Variants in CDX4 observed in about 807,000 individuals in gnomAD.
The protein encoded by CDX4 is caudal type homeobox 4.
CDX4 carries 11 observed loss-of-function variants against 14.1 expected under a neutral mutation model. The observed-to-expected ratio is 0.78, with a 90% CI of 0.49 to 1.29. The LOEUF is 1.29. Ranked by LOEUF, CDX4 falls within the 50% of genes most tolerant of loss-of-function variation. The pLI is 0.00. For missense variants in CDX4, 257 were observed against 237.4 expected (o/e 1.08, Z -0.54); for synonymous variants, 100 against 93.5 (o/e 1.07, Z -0.40).
At chrX:73,453,141 C>T (rs749541200) in intron 1 of CDX4, among the ~76,000 whole-genome samples, 1 of 111,801 alleles carries the variant, frequency 8.9e-6, no homozygotes, top group South Asian at 3.7e-4. Context: ...AGGTAATAAA[C>T]ACCATGGGTT....
chrX:73,450,660 G>A (rs17217528), intron 1 of CDX4, among the ~76,000 whole-genome samples: 3,718 of 111,709 alleles, frequency 0.033, 61 homozygotes, highest in Non-Finnish European at 0.05. Context: ...ATTGTCCCTT[G>A]GTTTTGCTCA....
Position 73,447,146 on chromosome X carries a change from G to T in CDX4, c.-108G>T. ...GCCTGAGGGGTGCAAAAGAGCTTGC[G>T]GCACAACTACGTACTGATAAGTTTA... On this transcript the variant is annotated 5_prime_UTR_variant, in exon 1 of 3. Transcript: ENST00000373514. 1.1e-6 allele frequency: 1 copy of T among 922,891 alleles called. No individual in the cohort carries two copies. Among genetic ancestry groups the T allele is most frequent in the Non-Finnish European group, 1.5e-6 (1 of 666,788 alleles). The allele number at this position is 922,891 out of a possible 1,213,427, so 76.1% of individuals were successfully genotyped here.
intron 1 of CDX4, among the ~76,000 whole-genome samples, chrX:73,450,843 T>C (rs1261109236): frequency 8.9e-6 from 1 of 111,736 alleles, no homozygotes; most frequent in Non-Finnish European, 1.9e-5. Flanking sequence ...ATCACCTCTA[T>C]GTTTGGAGAG....
chrX:73,452,006 G>T (rs779258491), intron 1 of CDX4, among the ~76,000 whole-genome samples: 3 of 110,977 alleles, frequency 2.7e-5, no homozygotes, highest in South Asian at 3.8e-4. Context: ...TGACTGGACC[G>T]CATAGTTTTC....
chrX:73,450,086 T>A (rs900726331), intron 1 of CDX4, among the ~76,000 whole-genome samples: 18 of 112,378 alleles, frequency 1.6e-4, no homozygotes, highest in Admixed American at 3.8e-4. Context: ...TGAACTTCAA[T>A]ATGGAAGTAA....
intron 1 of CDX4, 114 bp from the exon 2 acceptor site, chrX:73,453,403 T>G: frequency 1.8e-6 from 1 of 555,672 alleles, no homozygotes. Context: ...AAAATATACT[T>G]ATTTTATATT....
chrX:73,449,468 G>A (rs1380187423), intron 1 of CDX4, among the ~76,000 whole-genome samples: 1 of 111,551 alleles, frequency 9.0e-6, no homozygotes, highest in African/African-American at 3.3e-5. Context: ...TGCCAGGAAA[G>A]GTTTCGAAAC....
chrX:73,447,758 G>A lies in CDX4; in HGVS notation c.502+3G>A. 8.6e-7 allele frequency: 1 copy of A among 1,161,566 alleles called. No individual in the cohort carries two copies. The highest frequency in any genetic ancestry group is 1.1e-6 in the Non-Finnish European group (1 of 874,860). ...GCGCAAGACGGTGCAGGTGACGGGTGAGTAATCAATTCCAATGCCCACACA... is the reference window on the plus strand; with the variant it reads ...GCGCAAGACGGTGCAGGTGACGGGTAAGTAATCAATTCCAATGCCCACACA... On this transcript the variant is annotated splice_donor_region_variant and intron_variant, in intron 1 of 2. Coordinates refer to ENST00000373514, the MANE Select transcript of CDX4 (RefSeq NM_005193.2).
chrX:73,447,798 C>T, intron 1 of CDX4, 43 bp downstream of exon 1: 1 of 1,138,485 alleles, frequency 8.8e-7, no homozygotes, highest in South Asian at 2.0e-5. Context: ...TCCTTCCTTC[C>T]CTTCTCCGCT....
In CDX4 at chrX:73,447,147, G is replaced by A; in HGVS notation, c.-107G>A. Reference sequence around the variant, plus strand: ...CCTGAGGGGTGCAAAAGAGCTTGCGGCACAACTACGTACTGATAAGTTTAT... The same window carrying A: ...CCTGAGGGGTGCAAAAGAGCTTGCGACACAACTACGTACTGATAAGTTTAT... On this transcript the variant is annotated 5_prime_UTR_variant, in exon 1 of 3. Coordinates refer to ENST00000373514, the MANE Select transcript of CDX4 (RefSeq NM_005193.2). 1.1e-6 allele frequency: 1 copy of A among 929,084 alleles called. No individual in the cohort carries two copies. The highest frequency in any genetic ancestry group is 1.5e-6 in the Non-Finnish European group (1 of 672,136). The allele number at this position is 929,084 out of a possible 1,213,427, so 76.6% of individuals were successfully genotyped here.
At chrX:73,448,196 G>A (rs1013067707) in intron 1 of CDX4, among the ~76,000 whole-genome samples, 1 of 110,616 alleles carries the variant, frequency 9.0e-6, no homozygotes, top group African/African-American at 3.3e-5. Context: ...CCATCTGAGC[G>A]GGCTGTCTCC....
chrX:73,447,134 A>G lies in CDX4; in HGVS notation c.-120A>G, dbSNP rs767541558. 3.5e-6 allele frequency: 3 copies of G among 846,614 alleles called. No individual in the cohort carries two copies. The highest frequency in any genetic ancestry group is 4.1e-5 in the African/African-American group (2 of 49,162). 69.8% of individuals were successfully genotyped at this position (846,614 alleles called of 1,213,427 possible). On this transcript the variant is annotated 5_prime_UTR_variant, in exon 1 of 3. Transcript: ENST00000373514. ...TGGGATGGAGTAGCCTGAGGGGTGC[A>G]AAAGAGCTTGCGGCACAACTACGTA...
chrX:73,448,525 A>C, intron 1 of CDX4, among the ~76,000 whole-genome samples: 1 of 111,986 alleles, frequency 8.9e-6, no homozygotes. Context: ...AGCACTAATA[A>C]ATGGCTAAAG....
chrX:73,454,300 T>A lies in CDX4; in HGVS notation c.649-79T>A. On this transcript the variant is annotated intron_variant, in intron 2 of 2. Coordinates refer to ENST00000373514, the MANE Select transcript of CDX4 (RefSeq NM_005193.2). ...TGAAGTGATGCATATGAAAGGGCTT[T>A]GTAAATGCTAAAGTCTCTGTACAAT... 3 of 684,778 alleles carry A rather than the reference T, an allele frequency of 4.4e-6. No individual in the cohort carries two copies. The South Asian group carries it at 8.3e-5, about 19-fold the overall frequency. 56.4% of individuals were successfully genotyped at this position (684,778 alleles called of 1,213,427 possible).
chrX:73,448,331 G>C (rs1343856145), intron 1 of CDX4, among the ~76,000 whole-genome samples: 1 of 111,483 alleles, frequency 9.0e-6, no homozygotes, highest in Non-Finnish European at 1.9e-5. Context: ...TGGCCTCTCA[G>C]GGAAGCTCCA....
At chrX:73,448,572 G>A (rs1253181409) in intron 1 of CDX4, among the ~76,000 whole-genome samples, 4 of 112,140 alleles carry the variant, frequency 3.6e-5, no homozygotes, top group Non-Finnish European at 7.5e-5. Flanking sequence ...TCTCAGGCGT[G>A]GGGGCTGAAT....
chrX:73,451,921 C>T (rs1409180754), intron 1 of CDX4, among the ~76,000 whole-genome samples: 1 of 111,641 alleles, frequency 9.0e-6, no homozygotes, highest in Non-Finnish European at 1.9e-5. Flanking sequence ...TGCCAAAAGG[C>T]AGACTTACGG....
chrX:73,452,675 T>C (rs1225935371), intron 1 of CDX4, among the ~76,000 whole-genome samples: 3 of 111,355 alleles, frequency 2.7e-5, no homozygotes, highest in Non-Finnish European at 5.7e-5. Context: ...ACATAAAAAC[T>C]ATTTTTTTTT....
At chrX:73,452,126 T>C (rs1425087957) in intron 1 of CDX4, among the ~76,000 whole-genome samples, 2 of 61,714 alleles carry the variant, frequency 3.2e-5, no homozygotes, top group African/African-American at 2.0e-4. Context: ...TGGTGTCCTT[T>C]TTTTTTTTTT....
Sources: allele counts gnomAD v4.1 joint callset (sites outside exome capture counted in the v4.1 genomes callset), GRCh38; gene constraint gnomAD v4.1.1; transcripts MANE v1.5; gene names NCBI Gene and HGNC (gene_info 2026-07-23, HGNC 2026-07-21).